The following MTSS1 variants were observed in gnomAD, a reference collection of about 807,000 sequenced individuals.
MTSS1 encodes the protein protein MTSS 1.
In MTSS1, 18 loss-of-function variants were observed where a neutral mutation model predicts 79.0. The ratio of observed to expected loss-of-function variants is 0.23; its 90% CI spans 0.16 to 0.34. The LOEUF (loss-of-function observed/expected upper bound fraction) is 0.34. MTSS1 is among the 10% of genes least tolerant of loss of function. MTSS1 has a pLI of 1.00. For synonymous variants in MTSS1, 341 were observed against 368.6 expected, an observed-to-expected ratio of 0.93 and a Z score of 0.86; for missense variants, 815 against 986.2, an observed-to-expected ratio of 0.83 and a Z score of 2.33.
At chr8:124,666,096 T>C (rs780964986) in intron 3 of MTSS1, among the ~76,000 whole-genome samples, 2 of 152,218 alleles carry the variant, frequency 1.3e-5, no homozygotes, top group Non-Finnish European at 2.9e-5. Flanking sequence ...ACAGTAAATG[T>C]TCAATAGTCT....
intron 3 of MTSS1, among the ~76,000 whole-genome samples, chr8:124,652,255 C>T (rs1820097411): frequency 1.3e-5 from 2 of 152,284 alleles, no homozygotes; most frequent in South Asian, 4.1e-4. Flanking sequence ...CTCACTGCAA[C>T]CTCTGCCTCC....
In MTSS1 at chr8:124,727,118, A is replaced by G. The variant is rs983172615; in HGVS notation, c.72+766T>C. ...CGCGCACACACACATGCACGCGCGCACACACACACCATCTTCACAACCCTT... is the reference window on the plus strand; with the variant it reads ...CGCGCACACACACATGCACGCGCGCGCACACACACCATCTTCACAACCCTT... On this transcript the variant is annotated intron_variant, in intron 1 of 13. Coordinates refer to ENST00000518547, the MANE Select transcript of MTSS1 (RefSeq NM_014751.6). The surrounding 1 kb of genome is among the most constrained non-coding windows in gnomAD (Gnocchi z 4.7). Among the ~76,000 whole-genome samples, 4 of 152,012 alleles carry G rather than the reference A, an allele frequency of 2.6e-5. No individual in the cohort carries two copies. Among genetic ancestry groups the G allele is most frequent in the African/African-American group, 7.2e-5 (3 of 41,410 alleles).
rs1275518470 is a variant in MTSS1, at chr8:124,555,892, TCTC to T, written c.1414_1416del (p.Glu472del). 2 of 1,608,300 alleles carry T rather than the reference TCTC, an allele frequency of 1.2e-6. No individual in the cohort carries two copies. The highest frequency in any genetic ancestry group is 1.7e-4 in the Middle Eastern group (1 of 6,060). On this transcript the variant is annotated inframe_deletion, in exon 13 of 14. Coordinates refer to ENST00000518547, the MANE Select transcript of MTSS1 (RefSeq NM_014751.6). Reference sequence around the variant, plus strand: ...AGGGCCAGCTCCTCACAAGCCTCCATCTCCTCACCAGGCTGCAGGTTGGAGGAG... The same window carrying T: ...AGGGCCAGCTCCTCACAAGCCTCCATCTCACCAGGCTGCAGGTTGGAGGAG...
chr8:124,568,926 T>C (rs932374427), intron 6 of MTSS1: 4 of 1,240,376 alleles, frequency 3.2e-6, no homozygotes, highest in East Asian at 3.2e-5. Flanking sequence ...TAAGAGCCTG[T>C]GGGTGTTTCC....
At chr8:124,599,222 C>T (rs1833313611) in intron 3 of MTSS1, among the ~76,000 whole-genome samples, 2 of 132,558 alleles carry the variant, frequency 1.5e-5, no homozygotes, top group South Asian at 4.5e-4. Context: ...GTGGCTCACG[C>T]CTGTAATCCC....
intron 10 of MTSS1, chr8:124,558,602 C>T: frequency 7.3e-7 from 1 of 1,379,136 alleles, no homozygotes; most frequent in Non-Finnish European, 9.5e-7. Context: ...GAGCCCCACT[C>T]TTGGTGTCGA....
At chr8:124,564,129 CAAAA>C (rs56313535) in intron 9 of MTSS1, among the ~76,000 whole-genome samples, 10 of 87,816 alleles carry the variant, frequency 1.1e-4, no homozygotes, top group Non-Finnish European at 1.3e-4. Context: ...GACCCGATCT[CAAAA>C]AAAAAAAAAA....
intron 1 of MTSS1, among the ~76,000 whole-genome samples, chr8:124,705,461 A>C (rs1209895150): frequency 2.6e-5 from 4 of 152,142 alleles, no homozygotes; most frequent in Non-Finnish European, 5.9e-5. Flanking sequence ...ACAGAGCAAC[A>C]CTCCGTCTCA....
intron 1 of MTSS1, among the ~76,000 whole-genome samples, chr8:124,704,880 C>A (rs1830179009): frequency 6.6e-6 from 1 of 152,160 alleles, no homozygotes; most frequent in South Asian, 2.1e-4. Context: ...TTTTCAAAAT[C>A]CAGTTTCACA....
At chr8:124,695,104 T>C (rs1828579827) in intron 3 of MTSS1, among the ~76,000 whole-genome samples, 1 of 152,236 alleles carries the variant, frequency 6.6e-6, no homozygotes, top group Admixed American at 6.5e-5. Context: ...TTTGCTCTTA[T>C]AGTGACTAGT....
intron 3 of MTSS1, among the ~76,000 whole-genome samples, chr8:124,644,200 A>G (rs1482803129): frequency 6.6e-6 from 1 of 152,228 alleles, no homozygotes; most frequent in Non-Finnish European, 1.5e-5. Context: ...AAAGCCTCCC[A>G]AACCTCAAAC....
chr8:124,595,253 C>T (rs749575429), intron 3 of MTSS1, among the ~76,000 whole-genome samples: 12 of 152,148 alleles, frequency 7.9e-5, no homozygotes, highest in Admixed American at 5.9e-4. Flanking sequence ...ATGCTGTATT[C>T]GTTTCCCTTT....
chr8:124,580,511 A>T, intron 6 of MTSS1: 2 of 1,535,542 alleles, frequency 1.3e-6, no homozygotes, highest in Non-Finnish European at 8.7e-7. Flanking sequence ...CAAGGACCAC[A>T]CCGTGAGCAG....
rs1476297847 is a variant in MTSS1, at chr8:124,591,248, C to T, written c.209-13G>A. On this transcript the variant is annotated splice_polypyrimidine_tract_variant and intron_variant, in intron 3 of 13. Coordinates refer to ENST00000518547, the MANE Select transcript of MTSS1 (RefSeq NM_014751.6). ...TCCCTGGTCCCACCTGAAAAAGCAA[C>T]AGAGGCAAAGGTGAGGGATAGAAGA... is the stretch of plus-strand genomic sequence containing the variant. 3.1e-6 allele frequency: 5 copies of T among 1,612,364 alleles called. No individual in the cohort carries two copies. Among genetic ancestry groups the T allele is most frequent in the Middle Eastern group, 1.7e-4 (1 of 6,060 alleles).
In MTSS1 at chr8:124,659,332, G is replaced by A. The variant is rs146719924; in HGVS notation, c.208+40194C>T. 3.2e-3 allele frequency among the ~76,000 whole-genome samples: 484 copies of A among 152,280 alleles called. 6 individuals are homozygous for A. The highest frequency in any genetic ancestry group is 8.9e-3 in the African/African-American group (371 of 41,562). ...CATTCTGTGTATCTGAGAATTTATA[G>A]TTTATTAAGTTTTTCTCCATGACAC... On this transcript the variant is annotated intron_variant, in intron 3 of 13. Transcript: ENST00000518547.
intron 6 of MTSS1, among the ~76,000 whole-genome samples, chr8:124,579,442 G>A (rs1310713814): frequency 6.6e-6 from 1 of 152,176 alleles, no homozygotes; most frequent in Admixed American, 6.5e-5. Context: ...AGATAGTGGC[G>A]ATGGTTGCAT....
At chr8:124,602,207 A>ATATAT in intron 3 of MTSS1, among the ~76,000 whole-genome samples, 1 of 142,234 alleles carries the variant, frequency 7.0e-6, no homozygotes, top group African/African-American at 2.7e-5. Flanking sequence ...ATATATATAT[A>ATATAT]ATTTTTTTTT....
chr8:124,606,433 G>A (rs1029153140), intron 3 of MTSS1, among the ~76,000 whole-genome samples: 1 of 152,230 alleles, frequency 6.6e-6, no homozygotes, highest in Middle Eastern at 3.4e-3. Flanking sequence ...ACAGGCACAA[G>A]CCCCTGCACC....
rs543270955 is a variant in MTSS1, at chr8:124,679,110, C to T, written c.208+20416G>A. On this transcript the variant is annotated intron_variant, in intron 3 of 13. Coordinates refer to ENST00000518547, the MANE Select transcript of MTSS1 (RefSeq NM_014751.6). ...TTTACGGTTTGGCCAAGACAAGATC[C>T]GAATCCTAGAGGAGGCAAGGTTGTT... 9.2e-5 allele frequency among the ~76,000 whole-genome samples: 14 copies of T among 152,320 alleles called. No homozygotes were observed. In the South Asian group the frequency reaches 2.9e-3, roughly 32 times the overall value.
Sources: allele counts gnomAD v4.1 joint callset (sites outside exome capture counted in the v4.1 genomes callset), GRCh38; gene constraint gnomAD v4.1.1; non-coding constraint Gnocchi (gnomAD v3.1); transcripts MANE v1.5; gene names NCBI Gene and HGNC (gene_info 2026-07-23, HGNC 2026-07-21).